MYCBP2: variants seen among roughly 807,000 people sequenced by gnomAD.
MYCBP2 encodes MYC binding protein 2, also known as E3 ubiquitin-protein ligase MYCBP2.
In MYCBP2, 120 loss-of-function variants were observed where a neutral mutation model predicts 525.3. The ratio of observed to expected loss-of-function variants is 0.23; its 90% confidence interval spans 0.20 to 0.27. The LOEUF is 0.27. Among genes scored for constraint, MYCBP2 ranks in the 10% least tolerant of loss-of-function variants. MYCBP2 has a pLI of 1.00. For missense variants in MYCBP2, 4,149 were observed against 5,657.1 expected, an observed-to-expected ratio of 0.73 and a Z score of 8.55; for synonymous variants, 1,894 against 1,955.8, an observed-to-expected ratio of 0.97 and a Z score of 0.83.
At chr13:77,097,255 C>CT (rs1218133762) in intron 56 of MYCBP2, 115 bp downstream of exon 56, 1 of 1,384,066 alleles carries the variant, frequency 7.2e-7, no homozygotes, top group African/African-American at 1.5e-5. Context: ...AAATGACATT[C>CT]TAAGATACTA....
At chr13:77,071,386 G>A (rs2041258363) in intron 68 of MYCBP2, among the ~76,000 whole-genome samples, 1 of 151,784 alleles carries the variant, frequency 6.6e-6, no homozygotes, top group Non-Finnish European at 1.5e-5. Context: ...AGAAAACTGA[G>A]GTAAGAAACT....
chr13:77,185,506 C>T (rs1326076008), intron 31 of MYCBP2, 129 bp from the exon 32 acceptor site: 10 of 1,038,756 alleles, frequency 9.6e-6, no homozygotes, highest in Admixed American at 5.6e-5. Flanking sequence ...AATGAAACAA[C>T]TTAGAGATTA....
At chr13:77,234,085 C>T (rs1003489320) in intron 17 of MYCBP2, among the ~76,000 whole-genome samples, 2 of 151,654 alleles carry the variant, frequency 1.3e-5, no homozygotes, top group Admixed American at 1.3e-4. Context: ...AAATATACAG[C>T]CAAATTTATT....
rs766693945 is a variant in MYCBP2, at chr13:77,177,844, A to G, written c.5244T>C (p.Cys1748=). 6.2e-7 allele frequency: 1 copy of G among 1,613,996 alleles called. No homozygotes were observed. The highest frequency in any genetic ancestry group is 1.7e-5 in the Admixed American group (1 of 60,008). ...CTATTCCAGGTTTGTCTACTGAAAA[A>G]CAGATTGCATCAGGGGACCCGTTCC... The part of the protein sequence containing the change: ...NTGNGSPDAI[C]FSVDKPGIVV... Residue 1748 remains cysteine, a synonymous_variant, in exon 35 of 83, where the codon TGT becomes TGC. Transcript: ENST00000544440.
Position 77,045,044 on chromosome 13 carries a change from G to C in MYCBP2, c.*334C>G. Reference sequence around the variant, plus strand: ...ATTTTTCTTTTTTGCTTGAAAGCCAGCATCGTTCTTAGTCCATGGGCATGG... The same window carrying C: ...ATTTTTCTTTTTTGCTTGAAAGCCACCATCGTTCTTAGTCCATGGGCATGG... On this transcript the variant is annotated 3_prime_UTR_variant, in exon 83 of 83. Coordinates refer to ENST00000544440, the MANE Select transcript of MYCBP2 (RefSeq NM_015057.5). The C allele has an allele frequency of 2.5e-6, 1 of 403,534 alleles. No individual in the cohort carries two copies. The highest frequency in any genetic ancestry group is 3.5e-5 in the East Asian group (1 of 28,338). 25.0% of individuals were successfully genotyped at this position (403,534 alleles called of 1,614,324 possible).
chr13:77,309,422 AC>A (rs2079879718), intron 1 of MYCBP2, among the ~76,000 whole-genome samples: 1 of 152,210 alleles, frequency 6.6e-6, no homozygotes, highest in Non-Finnish European at 1.5e-5. Context: ...ACAGGCTAGA[AC>A]TTAAGAAAAG....
intron 47 of MYCBP2, among the ~76,000 whole-genome samples, chr13:77,148,314 A>T (rs561345275): frequency 6.6e-6 from 1 of 152,162 alleles, no homozygotes; most frequent in East Asian, 1.9e-4. Flanking sequence ...CTAGAACTCT[A>T]GTTTCTCATT....
At chr13:77,138,594 T>C (rs1476083958) in intron 52 of MYCBP2, among the ~76,000 whole-genome samples, 1 of 152,226 alleles carries the variant, frequency 6.6e-6, no homozygotes. Flanking sequence ...GTTATTATTA[T>C]ACTTCATGAA....
chr13:77,127,081 C>T (rs768489774), intron 52 of MYCBP2, among the ~76,000 whole-genome samples: 5 of 151,942 alleles, frequency 3.3e-5, no homozygotes, highest in Non-Finnish European at 1.5e-5. Context: ...CTATATCTTG[C>T]TATTTGTTAG....
rs2154316646 is a variant in MYCBP2 at position 77,243,070 on chromosome 13, T to A, written c.2618A>T (p.Glu873Val). Residue 873 changes from glutamate (E) to valine (V), a missense_variant, in exon 17 of 83, where the codon GAG becomes GTG. Transcript: ENST00000544440. ...TAGCTACATCTTACCTCTTCCTTCCTCTAATCTGTGCCTTCTGATTACACG... is the reference window on the plus strand; with the variant it reads ...TAGCTACATCTTACCTCTTCCTTCCACTAATCTGTGCCTTCTGATTACACG... ...RQRVIRRHRL[E>V]EGRGPLVFAG... The A allele has an allele frequency of 6.2e-7, 1 of 1,614,080 alleles. No individual in the cohort carries two copies. Among genetic ancestry groups the A allele is most frequent in the Non-Finnish European group, 8.5e-7 (1 of 1,179,958 alleles).
At chr13:77,256,167 T>A (rs2072154669) in intron 14 of MYCBP2, among the ~76,000 whole-genome samples, 1 of 152,056 alleles carries the variant, frequency 6.6e-6, no homozygotes, top group Non-Finnish European at 1.5e-5. Flanking sequence ...CAGATATTCA[T>A]AAGGATCACT....
chr13:77,096,188 T>C (rs746195796), intron 57 of MYCBP2, 124 bp downstream of exon 57: 86 of 1,010,138 alleles, frequency 8.5e-5, no homozygotes, highest in Non-Finnish European at 1.1e-4. Context: ...ATGATTTCCA[T>C]TATAAAAGCT....
intron 23 of MYCBP2, among the ~76,000 whole-genome samples, chr13:77,207,503 GA>G (rs978495485): frequency 1.4e-4 from 21 of 151,458 alleles, no homozygotes; most frequent in Non-Finnish European, 2.4e-4. Context: ...AGTTTTCCAA[GA>G]AAAAAAAGTT....
At chr13:77,164,011 G>C (rs9318466) in intron 43 of MYCBP2, among the ~76,000 whole-genome samples, 110,335 of 152,060 alleles carry the variant, frequency 0.73, 41,392 homozygotes, top group Middle Eastern at 0.84. Context: ...TCTACTTGCT[G>C]TAGAATATCT....
intron 14 of MYCBP2, 85 bp from the exon 15 acceptor site, chr13:77,251,440 T>C (rs2071186017): frequency 3.5e-6 from 4 of 1,155,644 alleles, no homozygotes; most frequent in African/African-American, 1.5e-5. Flanking sequence ...GTTTAAAAAA[T>C]GACAGCATGC....
At position 77,243,923 on chromosome 13, in the gene MYCBP2, C is replaced by A; in HGVS notation, c.2410G>T (p.Gly804Cys). The change falls in exon 16 of 83, where the codon GGT becomes TGT. Residue 804 changes from glycine to cysteine, a missense_variant. By Grantham distance (159) the Gly-to-Cys change is radical. Transcript: ENST00000544440. Reference protein sequence around the residue: ...GICGCGSGESGCAVCGCCKAC... With the variant: ...GICGCGSGESCCAVCGCCKAC... ...TTGCAACATCCACACACAGCACAAC[C>A]AGATTCTCCGGAACCACAACCACAG... 1 of 1,587,782 alleles carries A rather than the reference C, an allele frequency of 6.3e-7. No individual in the cohort carries two copies. The highest frequency in any genetic ancestry group is 2.3e-5 in the East Asian group (1 of 43,916).
chr13:77,107,925 G>C (rs1427470996), intron 55 of MYCBP2, among the ~76,000 whole-genome samples: 3 of 152,050 alleles, frequency 2.0e-5, no homozygotes, highest in African/African-American at 7.2e-5. Context: ...GAATGGTAAA[G>C]CAGCTTAGGA....
intron 34 of MYCBP2, among the ~76,000 whole-genome samples, chr13:77,178,525 T>C (rs965733081): frequency 6.6e-6 from 1 of 152,258 alleles, no homozygotes; most frequent in Non-Finnish European, 1.5e-5. Context: ...ATTCAGTATT[T>C]GAATACGTAC....
intron 1 of MYCBP2, among the ~76,000 whole-genome samples, chr13:77,305,554 T>C (rs2079307785): frequency 6.6e-6 from 1 of 152,122 alleles, no homozygotes; most frequent in Non-Finnish European, 1.5e-5. Flanking sequence ...AACTGACTGC[T>C]AATAGCTTTG....
Sources: gnomAD v4.1 joint callset for allele counts (sites outside exome capture counted in the v4.1 genomes callset) on GRCh38, gnomAD v4.1.1 for gene constraint, MANE v1.5 for transcripts, NCBI Gene and HGNC (gene_info 2026-07-23, HGNC 2026-07-21) for gene names.